UBE2E2: variants seen among roughly 807,000 people sequenced by gnomAD.
UBE2E2 encodes ubiquitin-conjugating enzyme E2 E2.
UBE2E2 carries 6 observed loss-of-function variants against 24.7 expected under a neutral mutation model. The ratio of observed to expected loss-of-function variants is 0.24; its 90% CI spans 0.13 to 0.48. The LOEUF is 0.48. Among genes scored for constraint, UBE2E2 ranks in the 20% least tolerant of loss-of-function variants. UBE2E2 has a pLI of 0.99. For synonymous variants in UBE2E2, 104 were observed against 83.6 expected (o/e 1.24, Z -1.33); for missense variants, 169 against 245.0 (o/e 0.69, Z 2.07).
chr3:23,562,326 T>C (rs1695954358), intron 5 of UBE2E2, among the ~76,000 whole-genome samples: 1 of 152,182 alleles, frequency 6.6e-6, no homozygotes, highest in African/African-American at 2.4e-5. Flanking sequence ...ATTGAGATAA[T>C]CATGTGGTTT....
At chr3:23,417,338 G>T (rs1697664667) in intron 3 of UBE2E2, among the ~76,000 whole-genome samples, 1 of 152,160 alleles carries the variant, frequency 6.6e-6, no homozygotes, top group South Asian at 2.1e-4. Flanking sequence ...TTTGCTGGAG[G>T]TCCACTCCAG....
At chr3:23,332,835 A>C (rs1249291759) in intron 3 of UBE2E2, among the ~76,000 whole-genome samples, 1 of 152,162 alleles carries the variant, frequency 6.6e-6, no homozygotes, top group African/African-American at 2.4e-5. Context: ...TGTGTCACTA[A>C]GACTTGAAAT....
At chr3:23,394,054 G>A (rs551850554) in intron 3 of UBE2E2, among the ~76,000 whole-genome samples, 1 of 152,302 alleles carries the variant, frequency 6.6e-6, no homozygotes, top group Non-Finnish European at 1.5e-5. Context: ...AGCAGCATGG[G>A]GAGTTTAATA....
At chr3:23,422,002 G>A (rs997434269) in intron 3 of UBE2E2, among the ~76,000 whole-genome samples, 2 of 152,210 alleles carry the variant, frequency 1.3e-5, no homozygotes, top group Admixed American at 6.5e-5. Flanking sequence ...GTGTTGGCCA[G>A]CAACCAGGAA....
At chr3:23,506,460 G>A (rs1181259132) in intron 4 of UBE2E2, among the ~76,000 whole-genome samples, 1 of 152,020 alleles carries the variant, frequency 6.6e-6, no homozygotes, top group Admixed American at 6.6e-5. Flanking sequence ...CTTTCACACA[G>A]CTAGCCAGAC....
chr3:23,513,869 A>G (rs961949698), intron 4 of UBE2E2, among the ~76,000 whole-genome samples: 1 of 152,166 alleles, frequency 6.6e-6, no homozygotes, highest in African/African-American at 2.4e-5. Flanking sequence ...TTTCTTATTG[A>G]AAGAGTGTGA....
At chr3:23,463,548 T>C (rs1698857065) in intron 3 of UBE2E2, among the ~76,000 whole-genome samples, 3 of 152,086 alleles carry the variant, frequency 2.0e-5, no homozygotes, top group Middle Eastern at 6.8e-3. Flanking sequence ...CTCTTTGACT[T>C]GAGATGACCT....
chr3:23,557,989 T>C (rs914185817), intron 5 of UBE2E2, among the ~76,000 whole-genome samples: 1 of 152,218 alleles, frequency 6.6e-6, no homozygotes, highest in African/African-American at 2.4e-5. Context: ...AAGAGAAACA[T>C]GTCAACATGG....
intron 3 of UBE2E2, among the ~76,000 whole-genome samples, chr3:23,259,589 T>C (rs1575511529): frequency 6.6e-6 from 1 of 150,872 alleles, no homozygotes; most frequent in Non-Finnish European, 1.5e-5. Flanking sequence ...AAAAAAAGTC[T>C]TGACTCAAAT....
chr3:23,267,966 C>T (rs1698098584), intron 3 of UBE2E2, among the ~76,000 whole-genome samples: 1 of 151,900 alleles, frequency 6.6e-6, no homozygotes, highest in Non-Finnish European at 1.5e-5. Context: ...ACATGATTAT[C>T]TCAACAGATG....
At chr3:23,448,237 G>C (rs1200172767) in intron 3 of UBE2E2, among the ~76,000 whole-genome samples, 2 of 152,280 alleles carry the variant, frequency 1.3e-5, no homozygotes, top group Admixed American at 1.3e-4. Context: ...TTGCCACGAA[G>C]CCTTCCAGTT....
intron 3 of UBE2E2, among the ~76,000 whole-genome samples, chr3:23,454,230 C>T (rs1192253853): frequency 6.6e-6 from 1 of 152,080 alleles, no homozygotes; most frequent in Non-Finnish European, 1.5e-5. Context: ...TAAATTTTAA[C>T]AGTACTTAAA....
chr3:23,427,926 A>G (rs1308397165), intron 3 of UBE2E2, among the ~76,000 whole-genome samples: 2 of 152,212 alleles, frequency 1.3e-5, no homozygotes, highest in Non-Finnish European at 2.9e-5. Flanking sequence ...TAGGACAAAA[A>G]CTTACAGAAC....
intron 3 of UBE2E2, among the ~76,000 whole-genome samples, chr3:23,496,441 T>C (rs1699604509): frequency 6.6e-6 from 1 of 152,166 alleles, no homozygotes; most frequent in African/African-American, 2.4e-5. Context: ...TTCTGAACTT[T>C]TTTCTTACTG....
chr3:23,383,045 T>G (rs565879833), intron 3 of UBE2E2, among the ~76,000 whole-genome samples: 1 of 152,238 alleles, frequency 6.6e-6, no homozygotes, highest in Admixed American at 6.5e-5. Flanking sequence ...CCAGTTGAGT[T>G]TTAGGAAGTA....
chr3:23,483,728 C>T (rs1699303664), intron 3 of UBE2E2, among the ~76,000 whole-genome samples: 1 of 152,174 alleles, frequency 6.6e-6, no homozygotes, highest in Non-Finnish European at 1.5e-5. Flanking sequence ...ACTCCATAGT[C>T]TGTAATAGTA....
At chr3:23,468,083 C>T (rs1385337687) in intron 3 of UBE2E2, among the ~76,000 whole-genome samples, 1 of 152,152 alleles carries the variant, frequency 6.6e-6, no homozygotes, top group Non-Finnish European at 1.5e-5. Context: ...ATATCAGTAG[C>T]CTTCTTTCCT....
intron 3 of UBE2E2, among the ~76,000 whole-genome samples, chr3:23,350,707 A>G (rs1020078039): frequency 2.6e-5 from 4 of 152,208 alleles, no homozygotes; most frequent in Non-Finnish European, 5.9e-5. Context: ...AAAGATATGA[A>G]CAAAGCCTCC....
At chr3:23,491,921 A>G (rs1699505612) in intron 3 of UBE2E2, among the ~76,000 whole-genome samples, 1 of 152,210 alleles carries the variant, frequency 6.6e-6, no homozygotes, top group African/African-American at 2.4e-5. Context: ...GTAAGATTCA[A>G]CAGGATTTGG....
Sources: allele counts gnomAD v4.1 joint callset (sites outside exome capture counted in the v4.1 genomes callset), GRCh38; gene constraint gnomAD v4.1.1; transcripts MANE v1.5; gene names NCBI Gene and HGNC (gene_info 2026-07-23, HGNC 2026-07-21).